Variants in CATSPERD observed in about 807,000 individuals in gnomAD.
CATSPERD encodes cation channel sperm-associated auxiliary subunit delta.
CATSPERD carries 86 observed loss-of-function variants against 98.1 expected under a neutral mutation model. That is an observed-to-expected ratio of 0.88 (90% CI 0.74 to 1.05). The LOEUF (loss-of-function observed/expected upper bound fraction) is 1.05, where lower values mean the gene tolerates loss of function less well. Ranked by LOEUF, CATSPERD falls within the 50% of genes least tolerant of loss-of-function variation. The pLI is 0.00. For missense variants in CATSPERD, 995 were observed against 1,005.7 expected, an observed-to-expected ratio of 0.99 and a Z score of 0.14; for synonymous variants, 394 against 390.2, an observed-to-expected ratio of 1.01 and a Z score of -0.12.
intron 18 of CATSPERD, among the ~76,000 whole-genome samples, chr19:5,769,039 A>G (rs1272644233): frequency 6.6e-6 from 1 of 151,938 alleles, no homozygotes; most frequent in East Asian, 1.9e-4. Flanking sequence ...CTGTAATGCC[A>G]GCTACTCGGG....
Position 5,739,435 on chromosome 19 carries a change from G to C in CATSPERD, c.569G>C (p.Arg190Thr). 1 of 1,463,470 alleles carries C rather than the reference G, an allele frequency of 6.8e-7. No homozygotes were observed. Among genetic ancestry groups the C allele is most frequent in the Non-Finnish European group, 9.4e-7 (1 of 1,062,346 alleles). The allele number at this position is 1,463,470 out of a possible 1,614,324, so 90.7% of individuals were successfully genotyped here. ...GFSFWKYHYD[R>T]QAEIIGSLGG... is the part of the protein sequence containing the mutation. Reference sequence around the variant, plus strand: ...AGTTTTTGGAAGTATCACTATGACAGACAGGTATGTTAAATTTGGTAAGAA... The same window carrying C: ...AGTTTTTGGAAGTATCACTATGACACACAGGTATGTTAAATTTGGTAAGAA... Residue 190 changes from arginine to threonine, a missense_variant, in exon 7 of 22, where the codon AGA becomes ACA. By Grantham distance (71) the Arg-to-Thr change is moderately conservative. Coordinates refer to ENST00000381624, the MANE Select transcript of CATSPERD (RefSeq NM_152784.4).
chr19:5,720,895 AC>A, intron 1 of CATSPERD, 87 bp downstream of exon 1: 1 of 1,076,692 alleles, frequency 9.3e-7, no homozygotes. Flanking sequence ...CTGCTCCCCA[AC>A]CTCACTGAGG....
At chr19:5,772,514 G>C (rs1465907743) in intron 19 of CATSPERD, 1 of 382,992 alleles carries the variant, frequency 2.6e-6, no homozygotes, top group Non-Finnish European at 4.8e-6. Context: ...GGCGTGAGCC[G>C]CCGCGCCTAG....
intron 12 of CATSPERD, 118 bp from the exon 13 acceptor site, chr19:5,754,014 G>A (rs532602027): frequency 2.8e-6 from 2 of 709,162 alleles, no homozygotes; most frequent in East Asian, 2.5e-5. Context: ...GAAGACAGAG[G>A]CACAAGTGGA....
At chr19:5,754,847 CTT>C (rs34200755) in intron 13 of CATSPERD, among the ~76,000 whole-genome samples, 17 of 137,760 alleles carry the variant, frequency 1.2e-4, no homozygotes, top group Admixed American at 1.5e-4. Flanking sequence ...TCTTCTTCTT[CTT>C]TTTTTTTTTT....
At chr19:5,747,231 GGTGCAATC>G (rs2056112533) in intron 9 of CATSPERD, among the ~76,000 whole-genome samples, 2 of 146,704 alleles carry the variant, frequency 1.4e-5, no homozygotes, top group African/African-American at 5.1e-5. Context: ...GGAGTGCAAT[GGTGCAATC>G]GTGGCTCACT....
intron 13 of CATSPERD, 88 bp from the exon 14 acceptor site, chr19:5,757,755 G>A: frequency 2.1e-6 from 2 of 931,046 alleles, no homozygotes; most frequent in Non-Finnish European, 3.3e-6. Flanking sequence ...TTTTTCATTT[G>A]AAGGTGTGCT....
chr19:5,744,394 A>G, intron 7 of CATSPERD, 33 bp from the exon 8 acceptor site: 1 of 1,541,676 alleles, frequency 6.5e-7, no homozygotes, highest in East Asian at 2.3e-5. Context: ...ATTAAGATTT[A>G]TTCATCTGAA....
At chr19:5,758,959 G>A (rs2056381069) in intron 14 of CATSPERD, 127 bp from the exon 15 acceptor site, 2 of 780,864 alleles carry the variant, frequency 2.6e-6, no homozygotes, top group African/African-American at 1.7e-5. Context: ...AACAGAGTGG[G>A]GCTAAGCGGC....
intron 21 of CATSPERD, among the ~76,000 whole-genome samples, chr19:5,778,058 T>G (rs1008887233): frequency 6.6e-6 from 1 of 151,346 alleles, no homozygotes; most frequent in East Asian, 2.0e-4. Flanking sequence ...ATACAAAAAT[T>G]AGCCAGGCAT....
At chr19:5,759,380 G>A (rs140929857) in intron 15 of CATSPERD, among the ~76,000 whole-genome samples, 2,968 of 151,860 alleles carry the variant, frequency 0.02, 40 homozygotes, top group South Asian at 0.028. Context: ...TAGCCAACAC[G>A]GTGAAACCCC....
Position 5,739,454 on chromosome 19 carries a change from G to C in CATSPERD, c.573+15G>C. ...ATGACAGACAGGTATGTTAAATTTGGTAAGAATGTGAAAATAAATACATAT... is the reference window on the plus strand; with the variant it reads ...ATGACAGACAGGTATGTTAAATTTGCTAAGAATGTGAAAATAAATACATAT... On this transcript the variant is annotated intron_variant, in intron 7 of 21. Transcript: ENST00000381624. 1.5e-6 allele frequency: 2 copies of C among 1,350,286 alleles called. No individual in the cohort carries two copies. Among genetic ancestry groups the C allele is most frequent in the Non-Finnish European group, 2.1e-6 (2 of 961,388 alleles). 83.6% of individuals were successfully genotyped at this position (1,350,286 alleles called of 1,614,324 possible). A position where few individuals can be genotyped will look rare whatever the true frequency, so the allele number is the denominator to read the frequency against.
intron 18 of CATSPERD, among the ~76,000 whole-genome samples, chr19:5,768,632 G>A (rs914177657): frequency 6.6e-6 from 1 of 150,800 alleles, no homozygotes; most frequent in Admixed American, 6.6e-5. Context: ...CACCGCGCCC[G>A]GCCTATTATT....
intron 4 of CATSPERD, among the ~76,000 whole-genome samples, chr19:5,731,808 C>T (rs1287615878): frequency 6.6e-6 from 1 of 151,696 alleles, no homozygotes; most frequent in Non-Finnish European, 1.5e-5. Context: ...ATCTCCTGAC[C>T]TCATGATCCA....
intron 3 of CATSPERD, among the ~76,000 whole-genome samples, chr19:5,728,605 A>T (rs1256340325): frequency 6.6e-6 from 1 of 150,520 alleles, no homozygotes; most frequent in East Asian, 2.0e-4. Flanking sequence ...ATTATAAAAC[A>T]TAATTATGGC....
chr19:5,769,291 G>C (rs1356914556), intron 18 of CATSPERD, among the ~76,000 whole-genome samples: 4 of 96,432 alleles, frequency 4.1e-5, no homozygotes, highest in Admixed American at 1.3e-4. Context: ...GCAACCTAGA[G>C]ACAAAAAAAA....
In CATSPERD at chr19:5,743,702, C is replaced by CTCTCTCTG. The variant is rs1555720819; in HGVS notation, c.574-720_574-719insCTGTCTCT. On this transcript the variant is annotated intron_variant, in intron 7 of 21. Transcript: ENST00000381624. ...TCTCTTCCTCTCTCTCTCTCTCTCT[C>CTCTCTCTG]TCTCTGTCTCTGTCTCTGTCTCTGT... 2.7e-3 allele frequency among the ~76,000 whole-genome samples: 341 copies of CTCTCTCTG among 124,386 alleles called. 2 individuals are homozygous for CTCTCTCTG. Among genetic ancestry groups the CTCTCTCTG allele is most frequent in the African/African-American group, 9.4e-3 (329 of 34,846 alleles). 81.6% of individuals were successfully genotyped at this position (124,386 alleles called of 152,430 possible).
chr19:5,763,636 A>C (rs1455628683), intron 16 of CATSPERD, among the ~76,000 whole-genome samples: 1 of 151,940 alleles, frequency 6.6e-6, no homozygotes. Flanking sequence ...GGGGGGTGTC[A>C]GGAGCTGAGG....
chr19:5,752,406 C>T (rs1004879920), intron 12 of CATSPERD, among the ~76,000 whole-genome samples: 5 of 150,696 alleles, frequency 3.3e-5, no homozygotes, highest in East Asian at 2.0e-4. Flanking sequence ...CCCAGGAGTT[C>T]GAGGCTGCAG....
Sources: allele counts gnomAD v4.1 joint callset (sites outside exome capture counted in the v4.1 genomes callset), GRCh38; gene constraint gnomAD v4.1.1; transcripts MANE v1.5; gene names NCBI Gene and HGNC (gene_info 2026-07-23, HGNC 2026-07-21).